The following SPTBN1 variants were observed in gnomAD, a reference collection of about 807,000 sequenced individuals.
SPTBN1 encodes the protein spectrin beta chain, non-erythrocytic 1.
A neutral mutation model predicts 266.4 loss-of-function variants in SPTBN1; 32 were observed. The observed-to-expected ratio is 0.12, with a 90% CI of 0.09 to 0.16. The LOEUF (loss-of-function observed/expected upper bound fraction) is 0.16, where lower values mean the gene tolerates loss of function less well. Ranked by LOEUF, SPTBN1 falls within the 10% of genes least tolerant of loss-of-function variation. The pLI, the probability that SPTBN1 is intolerant of heterozygous loss-of-function variation, is 1.00. For synonymous variants in SPTBN1, 1,336 were observed against 1,162.2 expected (o/e 1.15, Z -3.04); for missense variants, 2,296 against 3,067.1 (o/e 0.75, Z 5.94).
chr2:54,459,986 C>T (rs1217607485), intron 1 of SPTBN1, among the ~76,000 whole-genome samples: 3 of 152,164 alleles, frequency 2.0e-5, no homozygotes, highest in East Asian at 3.8e-4. Flanking sequence ...AAGGAAATTA[C>T]ACCAATTAGA....
chr2:54,643,965 C>CT (rs955422086), intron 19 of SPTBN1, among the ~76,000 whole-genome samples: 3 of 137,756 alleles, frequency 2.2e-5, no homozygotes, highest in Non-Finnish European at 4.6e-5. Flanking sequence ...GAACGAGACT[C>CT]TGTCTCAATA....
At chr2:54,656,973 A>C (rs1456777166) in intron 29 of SPTBN1, among the ~76,000 whole-genome samples, 1 of 152,174 alleles carries the variant, frequency 6.6e-6, no homozygotes, top group African/African-American at 2.4e-5. Context: ...TCATGTAGTC[A>C]TGTTGGGGGC....
At chr2:54,461,766 T>G (rs567396366) in intron 1 of SPTBN1, among the ~76,000 whole-genome samples, 2 of 152,384 alleles carry the variant, frequency 1.3e-5, no homozygotes, top group East Asian at 3.8e-4. Context: ...CCCATTTATC[T>G]TATTAATTTG....
chr2:54,462,546 T>G (rs558862035), intron 1 of SPTBN1, among the ~76,000 whole-genome samples: 1 of 152,238 alleles, frequency 6.6e-6, no homozygotes, highest in East Asian at 1.9e-4. Context: ...TGTTTTTTAT[T>G]TAATGAATAA....
chr2:54,648,069 C>T (rs911812950), intron 24 of SPTBN1, among the ~76,000 whole-genome samples: 1 of 152,162 alleles, frequency 6.6e-6, no homozygotes, highest in South Asian at 2.1e-4. Context: ...AGAACACCTT[C>T]GAGGAAAAAG....
chr2:54,616,201 T>C lies in SPTBN1; in HGVS notation c.475-6T>C, dbSNP rs775736436. 1.9e-4 allele frequency: 304 copies of C among 1,612,876 alleles called. 1 individual carries two copies. Among genetic ancestry groups the C allele is most frequent in the Non-Finnish European group, 2.5e-4 (290 of 1,179,226 alleles). ...TATTTGTCTAATATTTCTTTGTAAA[T>C]CTTAGATCCAGGATATCAGTGTGGA... On this transcript the variant is annotated splice_polypyrimidine_tract_variant and splice_region_variant and intron_variant, in intron 4 of 35. Transcript: ENST00000356805.
In SPTBN1 at chr2:54,624,817, T is replaced by C; in HGVS notation, c.1196T>C (p.Leu399Pro). The C allele has an allele frequency of 6.2e-7, 1 of 1,614,082 alleles. No homozygotes were observed. Among genetic ancestry groups the C allele is most frequent in the Non-Finnish European group, 8.5e-7 (1 of 1,180,016 alleles). ...ISDINKAWER[L>P]EKAEHERELA... is the part of the protein sequence containing the mutation. ...TCATTTTTGTAGGCCTGGGAAAGAC[T>C]GGAAAAAGCGGAACACGAAAGAGAA... The change falls in exon 11 of 36, where the codon CTG becomes CCG. Residue 399 changes from leucine to proline, a missense_variant. Physicochemically the swap from Leu to Pro is moderately conservative, Grantham distance 98. Coordinates refer to ENST00000356805, the MANE Select transcript of SPTBN1 (RefSeq NM_003128.3).
chr2:54,661,631 A>G, intron 32 of SPTBN1: 3 of 985,828 alleles, frequency 3.0e-6, no homozygotes, highest in Non-Finnish European at 3.6e-6. Context: ...TTAGACAAAA[A>G]AACTTCTGCT....
chr2:54,551,578 T>G (rs1251483372), intron 2 of SPTBN1, among the ~76,000 whole-genome samples: 1 of 152,256 alleles, frequency 6.6e-6, no homozygotes, highest in African/African-American at 2.4e-5. Flanking sequence ...CTTGCCGTTT[T>G]TCTCCTCAGC....
chr2:54,556,673 G>T (rs1399879612), intron 2 of SPTBN1, among the ~76,000 whole-genome samples: 1 of 150,758 alleles, frequency 6.6e-6, no homozygotes, highest in East Asian at 1.9e-4. Flanking sequence ...TCTTGATGTG[G>T]TGTGTGTGTG....
At position 54,558,184 on chromosome 2, in the gene SPTBN1, CG is replaced by C. The variant is rs1261500327; in HGVS notation, c.148+31620del. ...AGTCCAGGGCCCGGCCGGGGGTCGG[CG>C]GCTGCCGGGCGGCTGGGGCGACCGC... On this transcript the variant is annotated intron_variant, in intron 2 of 35. Transcript: ENST00000356805. The surrounding 1 kb of genome is among the most constrained non-coding windows in gnomAD (Gnocchi z 4.6). The C allele has an allele frequency of 3.0e-6, 3 of 985,362 alleles. No individual in the cohort carries two copies. In the East Asian group the frequency reaches 3.4e-4, roughly 112 times the overall value. 61.0% of individuals were successfully genotyped at this position (985,362 alleles called of 1,614,324 possible). A position where few individuals can be genotyped will look rare whatever the true frequency, so the allele number is the denominator to read the frequency against.
At chr2:54,634,832 G>C (rs1679010394) in intron 17 of SPTBN1, among the ~76,000 whole-genome samples, 1 of 152,188 alleles carries the variant, frequency 6.6e-6, no homozygotes, top group Non-Finnish European at 1.5e-5. Flanking sequence ...AACAGATGTG[G>C]GTGGGGCATG....
chr2:54,544,841 T>C (rs1203321624), intron 2 of SPTBN1, among the ~76,000 whole-genome samples: 3 of 152,186 alleles, frequency 2.0e-5, no homozygotes, highest in Non-Finnish European at 4.4e-5. Flanking sequence ...GTTTGTTACA[T>C]AGGTATACAT....
chr2:54,595,486 G>C (rs1676008578), intron 2 of SPTBN1, among the ~76,000 whole-genome samples: 1 of 152,226 alleles, frequency 6.6e-6, no homozygotes, highest in Admixed American at 6.5e-5. Flanking sequence ...CCCAGAAAAG[G>C]TAAACGGAGA....
At chr2:54,666,553 C>T (rs1681381519) in intron 34 of SPTBN1, among the ~76,000 whole-genome samples, 1 of 152,198 alleles carries the variant, frequency 6.6e-6, no homozygotes, top group Non-Finnish European at 1.5e-5. Context: ...GGGCCTGGGA[C>T]CCTGTCCTCC....
intron 4 of SPTBN1, 132 bp downstream of exon 4, chr2:54,612,466 TG>T: frequency 9.5e-7 from 1 of 1,053,064 alleles, no homozygotes; most frequent in South Asian, 2.0e-5. Flanking sequence ...GAGTCATGTG[TG>T]TCATATCCAG....
chr2:54,524,949 A>AT lies in SPTBN1; in HGVS notation c.-47-1414dup, dbSNP rs71770881. The stretch of plus-strand genomic sequence containing the variant: ...AAAATAGTCACATGACTCTGCTGTC[A>AT]TTTTTTTTTATTTAAACTATCTTGC... On this transcript the variant is annotated intron_variant, in intron 1 of 35. Coordinates refer to ENST00000356805, the MANE Select transcript of SPTBN1 (RefSeq NM_003128.3). 8.0e-3 allele frequency among the ~76,000 whole-genome samples: 1,213 copies of AT among 151,844 alleles called. 6 individuals are homozygous for AT. Among genetic ancestry groups the AT allele is most frequent in the Middle Eastern group, 0.017 (5 of 294 alleles).
intron 3 of SPTBN1, among the ~76,000 whole-genome samples, chr2:54,600,291 G>A (rs1676409531): frequency 6.6e-6 from 1 of 152,156 alleles, no homozygotes; most frequent in Non-Finnish European, 1.5e-5. Context: ...TCTCTTCCCT[G>A]CCCTTCAGTT....
intron 1 of SPTBN1, among the ~76,000 whole-genome samples, chr2:54,496,329 T>G (rs1405405731): frequency 6.6e-6 from 1 of 150,520 alleles, no homozygotes; most frequent in Non-Finnish European, 1.5e-5. Context: ...TCCCAGCTAC[T>G]CGGGAGGCTG....
Sources: gnomAD v4.1 joint callset for allele counts (sites outside exome capture counted in the v4.1 genomes callset) on GRCh38, gnomAD v4.1.1 for gene constraint, Gnocchi (gnomAD v3.1) non-coding constraint, MANE v1.5 for transcripts, NCBI Gene and HGNC (gene_info 2026-07-23, HGNC 2026-07-21) for gene names.